CIMAP1B: variants seen among roughly 807,000 people sequenced by gnomAD.
The protein encoded by CIMAP1B is orf2 5' to PD-ECGF/TP.
chr22:50,530,665 C>G, the CIMAP1B span: 1 of 1,600,466 alleles, frequency 6.2e-7, no homozygotes, highest in Non-Finnish European at 8.5e-7. Flanking sequence ...ACCTCAGGCC[C>G]TCCCCACTCT....
chr22:50,530,530 T>C, the CIMAP1B span: 2 of 1,600,152 alleles, frequency 1.2e-6, no homozygotes, highest in Middle Eastern at 1.7e-4. Context: ...GAGTGCCGGA[T>C]CCCGAAACTC....
chr22:50,530,845 C>T, the CIMAP1B span: 2 of 1,604,174 alleles, frequency 1.2e-6, no homozygotes, highest in African/African-American at 1.3e-5. Context: ...GGCGCAGGGG[C>T]CCGGGGTCTG....
chr22:50,532,206 GGCC>G, the CIMAP1B span: 2 of 1,197,140 alleles, frequency 1.7e-6, no homozygotes, highest in Non-Finnish European at 2.1e-6. Flanking sequence ...GGCGGGGCGG[GGCC>G]TGGACCGTAT....
chr22:50,531,323 G>C, the CIMAP1B span: 15,181 of 1,549,524 alleles, frequency 9.8e-3, 225 homozygotes, highest in Admixed American at 0.078. Flanking sequence ...GGTGTGGGGG[G>C]CTAGAACTGC....
At chr22:50,531,304 CG>C in the CIMAP1B span, 1 of 1,603,808 alleles carries the variant, frequency 6.2e-7, no homozygotes, top group African/African-American at 1.3e-5. Context: ...GCCTGCGGGG[CG>C]GATCAAGGGT....
the CIMAP1B span, chr22:50,531,510 A>G: frequency 7.3e-7 from 1 of 1,363,806 alleles, no homozygotes; most frequent in East Asian, 2.8e-5. Flanking sequence ...GGGGGTTCCC[A>G]GGTGGGCCTC....
At chr22:50,531,258 G>A in the CIMAP1B span, 1 of 1,611,020 alleles carries the variant, frequency 6.2e-7, no homozygotes, top group Non-Finnish European at 8.5e-7. Flanking sequence ...GCGCACTGGG[G>A]TACGTCGCGT....
chr22:50,531,947 TCCCGGGGC>T, the CIMAP1B span: 1 of 1,313,842 alleles, frequency 7.6e-7, no homozygotes, highest in Non-Finnish European at 9.8e-7. Flanking sequence ...CACCCCTCAA[TCCCGGGGC>T]CTGCCCCTTC....
chr22:50,532,139 C>G, the CIMAP1B span: 1 of 1,320,970 alleles, frequency 7.6e-7, no homozygotes, highest in South Asian at 2.1e-5. Flanking sequence ...TGGCCGCGGC[C>G]CCTGCACCGC....
At chr22:50,531,690 C>G in the CIMAP1B span, 1 of 1,366,774 alleles carries the variant, frequency 7.3e-7, no homozygotes, top group Non-Finnish European at 9.4e-7. Context: ...GGCCCGGGGC[C>G]GCACGTCGTC....
the CIMAP1B span, chr22:50,531,070 G>A: frequency 6.9e-6 from 11 of 1,605,494 alleles, no homozygotes; most frequent in African/African-American, 1.3e-5. Context: ...TGGGGAGGAG[G>A]CAGGGCTCGG....
the CIMAP1B span, chr22:50,531,949 C>T: frequency 6.1e-6 from 8 of 1,321,876 alleles, no homozygotes; most frequent in African/African-American, 1.5e-5. Flanking sequence ...CCCCTCAATC[C>T]CGGGGCCTGC....
the CIMAP1B span, chr22:50,531,603 G>A: frequency 2.1e-6 from 3 of 1,396,876 alleles, no homozygotes; most frequent in Non-Finnish European, 1.9e-6. Flanking sequence ...GCTGAGCGGC[G>A]TGGGCGGCCG....
chr22:50,530,934 C>A, the CIMAP1B span: 89 of 1,610,626 alleles, frequency 5.5e-5, no homozygotes, highest in Non-Finnish European at 7.2e-5. Context: ...GCCCCTCCCC[C>A]ACCTTGCTGA....
the CIMAP1B span, chr22:50,531,201 C>A: frequency 6.2e-7 from 1 of 1,612,428 alleles, no homozygotes; most frequent in Non-Finnish European, 8.5e-7. Flanking sequence ...CTGGGCTCTG[C>A]TGTTCCGCCT....
the CIMAP1B span, chr22:50,531,787 A>G: frequency 7.4e-7 from 1 of 1,354,494 alleles, no homozygotes; most frequent in Non-Finnish European, 9.5e-7. Flanking sequence ...GGAGCATCCG[A>G]GTTAGCGTCT....
chr22:50,531,120 G>A, the CIMAP1B span: 3 of 1,585,986 alleles, frequency 1.9e-6, no homozygotes, highest in East Asian at 6.7e-5. Context: ...GGTGGTCCCA[G>A]CTCCCGGAGG....
At chr22:50,531,591 G>T in the CIMAP1B span, 71 of 1,406,636 alleles carry the variant, frequency 5.0e-5, no homozygotes, top group Non-Finnish European at 6.0e-5. Context: ...GTGAGGAAGG[G>T]CGCTGAGCGG....
the CIMAP1B span, chr22:50,531,593 G>T: frequency 7.1e-7 from 1 of 1,404,222 alleles, no homozygotes. Flanking sequence ...GAGGAAGGGC[G>T]CTGAGCGGCG....
Sources: gnomAD v4.1 joint callset for allele counts on GRCh38, gnomAD v4.1.1 for gene constraint, MANE v1.5 for transcripts, NCBI Gene and HGNC (gene_info 2026-07-23, HGNC 2026-07-21) for gene names.